The following RAD50 variants were observed in gnomAD, a reference collection of about 807,000 sequenced individuals.
RAD50 encodes the protein RAD50 double strand break repair protein.
Under a neutral mutation model 168.8 loss-of-function variants are expected in RAD50, and 132 were observed. The observed-to-expected ratio is 0.78, with a 90% CI of 0.68 to 0.90. RAD50 has a LOEUF of 0.90. Ranked by LOEUF, RAD50 falls within the 40% of genes least tolerant of loss-of-function variation. RAD50 has a pLI of 0.00. For synonymous variants in RAD50, 525 were observed against 497.4 expected, an observed-to-expected ratio of 1.06 and a Z score of -0.74; for missense variants, 1,347 against 1,534.4, an observed-to-expected ratio of 0.88 and a Z score of 2.04.
intron 23 of RAD50, 105 bp from the exon 24 acceptor site, chr5:132,640,567 G>A (rs1484008153): frequency 6.7e-7 from 1 of 1,500,500 alleles, no homozygotes; most frequent in Non-Finnish European, 9.3e-7. Context: ...GTGAACCTGT[G>A]ACGTTTCCCA....
chr5:132,635,575 C>G (rs534869196), intron 21 of RAD50, among the ~76,000 whole-genome samples: 11 of 152,342 alleles, frequency 7.2e-5, no homozygotes, highest in African/African-American at 2.6e-4. Flanking sequence ...GGACAGGATG[C>G]ACCACCTGTG....
chr5:132,574,667 A>G (rs1750363103), intron 2 of RAD50, among the ~76,000 whole-genome samples: 1 of 152,130 alleles, frequency 6.6e-6, no homozygotes, highest in Non-Finnish European at 1.5e-5. Context: ...CCAAACTTTT[A>G]TGCTGTTTCC....
At chr5:132,581,488 A>G (rs563097907) in intron 5 of RAD50, among the ~76,000 whole-genome samples, 17 of 152,166 alleles carry the variant, frequency 1.1e-4, no homozygotes, top group Non-Finnish European at 2.1e-4. Context: ...TTATAAAAGG[A>G]TATTAGGTGA....
At chr5:132,620,459 C>T (rs536822007) in intron 21 of RAD50, among the ~76,000 whole-genome samples, 33 of 152,214 alleles carry the variant, frequency 2.2e-4, no homozygotes, top group Non-Finnish European at 1.5e-5. Context: ...TTTCTCTCAC[C>T]ATCTTAATTA....
At chr5:132,640,860 G>C (rs1257009505) in intron 24 of RAD50, 55 bp downstream of exon 24, 6 of 1,610,090 alleles carry the variant, frequency 3.7e-6, no homozygotes, top group Non-Finnish European at 4.2e-6. Flanking sequence ...TTTGGGGACA[G>C]GTTGTGATAG....
rs1384044047 is a variant in RAD50 at position 132,575,956 on chromosome 5, C to A, written c.365+28C>A. 6 of 1,572,446 alleles carry A rather than the reference C, an allele frequency of 3.8e-6. No individual in the cohort carries two copies. In the African/African-American group the frequency reaches 6.8e-5, roughly 18 times the overall value. On this transcript the variant is annotated intron_variant, in intron 3 of 24. Transcript: ENST00000378823. The stretch of plus-strand genomic sequence containing the variant: ...AGGTGTTTATATGATATTTGAATTT[C>A]TGTTCATTTTCAGTCTTTTAGGTCT...
In RAD50 at chr5:132,577,797, T is replaced by A. The variant is rs905039951; in HGVS notation, c.366-1520T>A. 2.0e-5 allele frequency among the ~76,000 whole-genome samples: 3 copies of A among 149,416 alleles called. No homozygotes were observed. The East Asian group carries it at 5.8e-4, about 29-fold the overall frequency. On this transcript the variant is annotated intron_variant, in intron 3 of 24. Coordinates refer to ENST00000378823, the MANE Select transcript of RAD50 (RefSeq NM_005732.4). The stretch of plus-strand genomic sequence containing the variant: ...CATTTACCCAGACCTATTTACCCAT[T>A]TCTGATTTTTTTTTTTTTTTTTTTT...
chr5:132,579,409 A>G lies in RAD50; in HGVS notation c.458A>G (p.Asn153Ser). The G allele has an allele frequency of 1.2e-6, 2 of 1,613,864 alleles. No homozygotes were observed. Among genetic ancestry groups the G allele is most frequent in the Non-Finnish European group, 8.5e-7 (1 of 1,179,756 alleles). Residue 153 changes from asparagine to serine, a missense_variant, in exon 4 of 25, where the codon AAT becomes AGT. By Grantham distance (46) the Asn-to-Ser change is conservative. Coordinates refer to ENST00000378823, the MANE Select transcript of RAD50 (RefSeq NM_005732.4). ...SLGVSKAVLNNVIFCHQEDSN... is the reference protein window; with the variant it reads ...SLGVSKAVLNSVIFCHQEDSN... ...GGGGTTTCCAAGGCTGTGCTAAATA[A>G]TGTCATTTTCTGTCATCAAGAAGAT...
chr5:132,635,196 T>C (rs1260431111), intron 21 of RAD50, among the ~76,000 whole-genome samples: 1 of 152,234 alleles, frequency 6.6e-6, no homozygotes, highest in Non-Finnish European at 1.5e-5. Context: ...ACTGATTTCA[T>C]TGAATCTTAG....
In RAD50 at chr5:132,640,813, T is replaced by C. The variant is rs367888587; in HGVS notation, c.3752+8T>C. 1.2e-6 allele frequency: 2 copies of C among 1,614,148 alleles called. No homozygotes were observed. The highest frequency in any genetic ancestry group is 1.7e-5 in the Admixed American group (1 of 60,026). ...TGCACATGCTCTGGTTGAGTAAGTA[T>C]CTCTTGCACATGCTCTGGTTGAGTA... On this transcript the variant is annotated splice_region_variant and intron_variant, in intron 24 of 24. Coordinates refer to ENST00000378823, the MANE Select transcript of RAD50 (RefSeq NM_005732.4).
At chr5:132,614,744 C>T (rs1751147263) in intron 19 of RAD50, among the ~76,000 whole-genome samples, 1 of 149,854 alleles carries the variant, frequency 6.7e-6, no homozygotes. Context: ...TAGTTGAATC[C>T]GTAGATGTGG....
chr5:132,632,912 A>G (rs1161605699), intron 21 of RAD50, among the ~76,000 whole-genome samples: 1 of 151,978 alleles, frequency 6.6e-6, no homozygotes, highest in African/African-American at 2.4e-5. Context: ...GTCTTTTTGT[A>G]TGTTGTCTAT....
chr5:132,591,471 T>A, intron 10 of RAD50, 65 bp downstream of exon 10: 1 of 1,463,074 alleles, frequency 6.8e-7, no homozygotes, highest in Non-Finnish European at 9.5e-7. Flanking sequence ...CTTGCACTCA[T>A]AAGTCATAGA....
In RAD50 at chr5:132,612,938, A is replaced by G. The variant is rs188927560; in HGVS notation, c.3037-3065A>G. Among the ~76,000 whole-genome samples the G allele has an allele frequency of 3.9e-5, 6 of 152,264 alleles. No individual in the cohort carries two copies. In the East Asian group the frequency reaches 1.2e-3, roughly 29 times the overall value. On this transcript the variant is annotated intron_variant, in intron 19 of 24. Coordinates refer to ENST00000378823, the MANE Select transcript of RAD50 (RefSeq NM_005732.4). Reference sequence around the variant, plus strand: ...TTTGTTGAAATTCCTTAGAGGTTCTAATATATCCCTTTAGCTGTCAATAAC... The same window carrying G: ...TTTGTTGAAATTCCTTAGAGGTTCTGATATATCCCTTTAGCTGTCAATAAC...
intron 19 of RAD50, among the ~76,000 whole-genome samples, chr5:132,613,990 T>C (rs767642264): frequency 6.6e-6 from 1 of 152,180 alleles, no homozygotes; most frequent in Admixed American, 6.5e-5. Flanking sequence ...CCCAAAGTTA[T>C]CCAGTTTAAA....
chr5:132,582,215 TAGTG>T (rs1320264251), intron 5 of RAD50, among the ~76,000 whole-genome samples: 2 of 152,204 alleles, frequency 1.3e-5, no homozygotes, highest in Non-Finnish European at 2.9e-5. Flanking sequence ...ACCTAGGATT[TAGTG>T]AGTGGTGCCA....
chr5:132,631,614 A>G (rs1429867597), intron 21 of RAD50, among the ~76,000 whole-genome samples: 2 of 152,228 alleles, frequency 1.3e-5, no homozygotes, highest in Admixed American at 6.5e-5. Context: ...TGGACTTTCA[A>G]GGTCATTCTG....
chr5:132,557,488 C>T (rs1236391182), intron 1 of RAD50, 35 bp downstream of exon 1: 1 of 1,613,242 alleles, frequency 6.2e-7, no homozygotes, highest in Non-Finnish European at 8.5e-7. Flanking sequence ...GTTTACAGGT[C>T]GCTACATCTT....
At chr5:132,635,232 C>T (rs1022328275) in intron 21 of RAD50, among the ~76,000 whole-genome samples, 3 of 152,200 alleles carry the variant, frequency 2.0e-5, no homozygotes, top group African/African-American at 7.2e-5. Flanking sequence ...ATAGAGATAA[C>T]AGTATCTAAT....
Sources: allele counts gnomAD v4.1 joint callset (sites outside exome capture counted in the v4.1 genomes callset), GRCh38; gene constraint gnomAD v4.1.1; transcripts MANE v1.5; gene names NCBI Gene and HGNC (gene_info 2026-07-23, HGNC 2026-07-21).